The following CRISPLD2 variants were observed in gnomAD, a reference collection of about 807,000 sequenced individuals.
CRISPLD2 encodes the protein cysteine-rich secretory protein LCCL domain-containing 2.
In CRISPLD2, 47 loss-of-function variants were observed where a neutral mutation model predicts 71.1. The ratio of observed to expected loss-of-function variants is 0.66; its 90% CI spans 0.52 to 0.84. The LOEUF (loss-of-function observed/expected upper bound fraction) is 0.84. CRISPLD2 is among the 40% of genes least tolerant of loss of function. The pLI is 0.00. For missense variants in CRISPLD2, 830 were observed against 651.1 expected (o/e 1.27, Z -2.99); for synonymous variants, 317 against 250.1 (o/e 1.27, Z -2.52).
rs561754158 is a variant in CRISPLD2, at chr16:84,889,328, C to T, written c.1404C>T (p.Tyr468=). The T allele has an allele frequency of 1.8e-5, 29 of 1,613,934 alleles. No individual in the cohort carries two copies. Among genetic ancestry groups the T allele is most frequent in the East Asian group, 4.5e-5 (2 of 44,860 alleles). ...TGCCCGTGGATAAAAAGAAGACCTA[C>T]GTGGGCTCGCTCAGGAATGGAGTTC... The part of the protein sequence containing the change: ...DVMPVDKKKT[Y]VGSLRNGVQS... The change falls in exon 14 of 15, where the codon TAC becomes TAT. Residue 468 remains tyrosine, a synonymous_variant. Coordinates refer to ENST00000262424, the MANE Select transcript of CRISPLD2 (RefSeq NM_031476.4).
At chr16:84,869,408 G>C (rs1339942880) in intron 8 of CRISPLD2, among the ~76,000 whole-genome samples, 1 of 152,230 alleles carries the variant, frequency 6.6e-6, no homozygotes, top group African/African-American at 2.4e-5. Context: ...TCTGGCATCA[G>C]TTTGCCGAAA....
In CRISPLD2 at chr16:84,859,504, C is replaced by T. The variant is rs190335539; in HGVS notation, c.709+4675C>T. 1.1e-4 allele frequency among the ~76,000 whole-genome samples: 16 copies of T among 152,274 alleles called. No individual in the cohort carries two copies. The East Asian group carries it at 1.2e-3, about 11-fold the overall frequency. ...GATGAACAGCATAAATTGTCAGTAG[C>T]GTAGTGGGGTCCTTCCTCAAGGGGA... On this transcript the variant is annotated intron_variant, in intron 6 of 14. Transcript: ENST00000262424.
rs570752296 is a variant in CRISPLD2, at chr16:84,906,504, C to T, written c.1440-84C>T. ...CCACTACGGGAGCAAGCAGGAGGCACCCAGGTCTCCCTGCCCACCCAGAGT... is the reference window on the plus strand; with the variant it reads ...CCACTACGGGAGCAAGCAGGAGGCATCCAGGTCTCCCTGCCCACCCAGAGT... On this transcript the variant is annotated intron_variant, in intron 14 of 14. Coordinates refer to ENST00000262424, the MANE Select transcript of CRISPLD2 (RefSeq NM_031476.4). The T allele has an allele frequency of 8.9e-6, 13 of 1,463,260 alleles. No homozygotes were observed. In the African/African-American group the frequency reaches 1.3e-4, roughly 14 times the overall value. 90.6% of individuals were successfully genotyped at this position (1,463,260 alleles called of 1,614,324 possible). A position where few individuals can be genotyped will look rare whatever the true frequency, so the allele number is the denominator to read the frequency against.
At chr16:84,881,520 T>C (rs2143319208) in intron 13 of CRISPLD2, among the ~76,000 whole-genome samples, 1 of 152,346 alleles carries the variant, frequency 6.6e-6, no homozygotes, top group Middle Eastern at 3.4e-3. Flanking sequence ...TGTGTGATCT[T>C]GTCAAGCTGT....
At chr16:84,862,797 G>A (rs924972495) in intron 6 of CRISPLD2, among the ~76,000 whole-genome samples, 5 of 151,672 alleles carry the variant, frequency 3.3e-5, no homozygotes, top group African/African-American at 9.7e-5. Context: ...GATCAGGCTG[G>A]TGGGTTCTGG....
chr16:84,878,813 C>A (rs185180327), intron 12 of CRISPLD2, among the ~76,000 whole-genome samples: 1 of 152,370 alleles, frequency 6.6e-6, no homozygotes, highest in East Asian at 1.9e-4. Context: ...GGGTTCAGAT[C>A]ATATAATACA....
At chr16:84,821,980 C>T (rs1318544723) in intron 1 of CRISPLD2, among the ~76,000 whole-genome samples, 1 of 152,226 alleles carries the variant, frequency 6.6e-6, no homozygotes, top group Non-Finnish European at 1.5e-5. Flanking sequence ...CTGGGCCCTG[C>T]CCCAGATTCT....
chr16:84,823,070 T>A (rs549940418), intron 1 of CRISPLD2, among the ~76,000 whole-genome samples: 1 of 152,342 alleles, frequency 6.6e-6, no homozygotes, highest in East Asian at 1.9e-4. Flanking sequence ...TCTACGAACT[T>A]GCTTATTCTG....
intron 13 of CRISPLD2, among the ~76,000 whole-genome samples, chr16:84,887,542 A>G (rs2071623802): frequency 6.6e-6 from 1 of 152,224 alleles, no homozygotes; most frequent in Non-Finnish European, 1.5e-5. Flanking sequence ...TGTTGTCCAG[A>G]CACTTATGGT....
chr16:84,839,150 G>T, intron 2 of CRISPLD2: 1 of 359,784 alleles, frequency 2.8e-6, no homozygotes, highest in Non-Finnish European at 5.4e-6. Context: ...GCCTCTCAAA[G>T]TGCTAGGATT....
intron 14 of CRISPLD2, among the ~76,000 whole-genome samples, chr16:84,889,622 C>T (rs907204007): frequency 7.3e-5 from 11 of 151,260 alleles, no homozygotes; most frequent in South Asian, 2.1e-4. Context: ...TACCAATGGA[C>T]GTTTTTGTAG....
Position 84,838,571 on chromosome 16 carries a change from C to T in CRISPLD2, c.76C>T (p.Pro26Ser). Residue 26 changes from proline to serine, a missense_variant, in exon 2 of 15, where the codon CCC becomes TCC. Transcript: ENST00000262424. ...LVCGSQGYLL[P>S]NVTLLEELLS... Reference sequence around the variant, plus strand: ...CTGCGGATCCCAAGGCTACCTCCTGCCCAACGTCACTCTCTTAGAGGAGCT... The same window carrying T: ...CTGCGGATCCCAAGGCTACCTCCTGTCCAACGTCACTCTCTTAGAGGAGCT... 2 of 1,614,226 alleles carry T rather than the reference C, an allele frequency of 1.2e-6. No homozygotes were observed. The highest frequency in any genetic ancestry group is 1.7e-6 in the Non-Finnish European group (2 of 1,180,042).
intron 8 of CRISPLD2, among the ~76,000 whole-genome samples, chr16:84,871,754 C>T (rs375695553): frequency 6.6e-6 from 1 of 151,338 alleles, no homozygotes; most frequent in African/African-American, 2.4e-5. Context: ...TTTTTGCCAT[C>T]TTGGCCAGGC....
intron 13 of CRISPLD2, 132 bp downstream of exon 13, chr16:84,880,716 T>G (rs1307392833): frequency 2.0e-5 from 12 of 599,338 alleles, no homozygotes; most frequent in Non-Finnish European, 3.5e-5. Flanking sequence ...AATTAATTAA[T>G]TAATTTCGAG....
chr16:84,854,195 A>T (rs913312961), intron 5 of CRISPLD2, among the ~76,000 whole-genome samples: 1 of 152,228 alleles, frequency 6.6e-6, no homozygotes, highest in African/African-American at 2.4e-5. Flanking sequence ...ACTGTGCCAC[A>T]GTTTCCTCCT....
intron 1 of CRISPLD2, among the ~76,000 whole-genome samples, chr16:84,821,031 T>A: frequency 6.6e-6 from 1 of 152,174 alleles, no homozygotes. Context: ...GAATTGGGCG[T>A]CTCTCAGCCA....
At chr16:84,878,104 T>G (rs13329817) in intron 12 of CRISPLD2, among the ~76,000 whole-genome samples, 3,305 of 150,332 alleles carry the variant, frequency 0.022, 131 homozygotes, top group African/African-American at 0.076. Context: ...GGCGCCTGTA[T>G]TCCCAGCTAC....
chr16:84,850,482 C>T (rs927632583), intron 4 of CRISPLD2, 86 bp from the exon 5 acceptor site: 10 of 1,056,818 alleles, frequency 9.5e-6, no homozygotes, highest in Non-Finnish European at 1.3e-5. Flanking sequence ...CTCTTTAGTG[C>T]CAGCACCTTA....
At chr16:84,890,337 C>G (rs888944394) in intron 14 of CRISPLD2, among the ~76,000 whole-genome samples, 1 of 121,540 alleles carries the variant, frequency 8.2e-6, no homozygotes, top group Non-Finnish European at 1.7e-5. Flanking sequence ...CCAGCCTGGG[C>G]GACAGAGTGA....
Sources: gnomAD v4.1 joint callset for allele counts (sites outside exome capture counted in the v4.1 genomes callset) on GRCh38, gnomAD v4.1.1 for gene constraint, MANE v1.5 for transcripts, NCBI Gene and HGNC (gene_info 2026-07-23, HGNC 2026-07-21) for gene names.